The following PCSK5 variants were observed in gnomAD, a reference collection of about 807,000 sequenced individuals.
PCSK5 encodes proprotein convertase subtilisin/kexin type 5.
A neutral mutation model predicts 233.2 loss-of-function variants in PCSK5; 129 were observed. The observed-to-expected ratio is 0.55, with a 90% CI of 0.48 to 0.64. The LOEUF is 0.64. Among genes scored for constraint, PCSK5 ranks in the 30% least tolerant of loss-of-function variants. PCSK5 has a pLI of 0.00. For missense variants in PCSK5, 2,076 were observed against 2,430.1 expected (o/e 0.85, Z 3.06); for synonymous variants, 825 against 879.2 (o/e 0.94, Z 1.09).
chr9:76,062,717 A>C (rs75284777), intron 5 of PCSK5, among the ~76,000 whole-genome samples: 10,853 of 152,284 alleles, frequency 0.071, 414 homozygotes, highest in Admixed American at 0.097. Context: ...ATGGTATTTC[A>C]ATATATGCAT....
intron 9 of PCSK5, 88 bp downstream of exon 9, chr9:76,107,439 A>G: frequency 3.0e-6 from 2 of 675,972 alleles, no homozygotes; most frequent in Non-Finnish European, 4.9e-6. Context: ...GACCCCTAGC[A>G]TGACAACCTA....
intron 35 of PCSK5, among the ~76,000 whole-genome samples, chr9:76,339,330 A>G (rs1829766048): frequency 6.6e-6 from 1 of 152,104 alleles, no homozygotes; most frequent in South Asian, 2.1e-4. Context: ...GGCTATTTTT[A>G]GTTCTTTTAT....
intron 2 of PCSK5, among the ~76,000 whole-genome samples, chr9:75,944,117 T>G (rs1457915647): frequency 6.6e-6 from 1 of 151,530 alleles, no homozygotes; most frequent in Non-Finnish European, 1.5e-5. Context: ...GAGCCGAGAT[T>G]ACACCACTGC....
chr9:76,110,695 CA>C (rs920013033), intron 9 of PCSK5, among the ~76,000 whole-genome samples: 3 of 148,658 alleles, frequency 2.0e-5, no homozygotes, highest in South Asian at 2.1e-4. Context: ...GACCTTATCT[CA>C]AAAAAAAAGG....
At chr9:76,103,586 G>A (rs1324461205) in intron 8 of PCSK5, among the ~76,000 whole-genome samples, 2 of 152,144 alleles carry the variant, frequency 1.3e-5, no homozygotes, top group Non-Finnish European at 2.9e-5. Flanking sequence ...AAAAGTGATG[G>A]TTCATCTTAG....
At chr9:76,295,927 A>C (rs777223154) in intron 26 of PCSK5, among the ~76,000 whole-genome samples, 5 of 152,262 alleles carry the variant, frequency 3.3e-5, no homozygotes, top group Admixed American at 2.0e-4. Flanking sequence ...TTGGGGGAGA[A>C]AGAATGAGAA....
At chr9:76,258,056 G>C (rs988732249) in intron 24 of PCSK5, among the ~76,000 whole-genome samples, 1 of 152,106 alleles carries the variant, frequency 6.6e-6, no homozygotes, top group Non-Finnish European at 1.5e-5. Context: ...ACAGCTCCCA[G>C]GTACAGGGAG....
In PCSK5 at chr9:75,891,107, C is replaced by G. The variant is rs185860620; in HGVS notation, c.-75C>G. ...GGGCTGCTCGCCGGGCGGCGCAGGC[C>G]GGAGAAGTTAGTTGTGCGCGCCCTT... On this transcript the variant is annotated 5_prime_UTR_variant, in exon 1 of 38. Transcript: ENST00000674117. 1,252 of 1,186,246 alleles carry G rather than the reference C, an allele frequency of 1.1e-3. 5 individuals are homozygous for G. Among genetic ancestry groups the G allele is most frequent in the Non-Finnish European group, 1.3e-3 (1,175 of 907,382 alleles). The allele number at this position is 1,186,246 out of a possible 1,614,324, so 73.5% of individuals were successfully genotyped here. A position where few individuals can be genotyped will look rare whatever the true frequency, so the allele number is the denominator to read the frequency against.
intron 20 of PCSK5, among the ~76,000 whole-genome samples, chr9:76,215,478 T>C (rs1169773235): frequency 6.6e-6 from 1 of 152,142 alleles, no homozygotes; most frequent in Non-Finnish European, 1.5e-5. Context: ...GGACCCCCGA[T>C]ATGGGGCCCA....
At chr9:75,899,399 T>A (rs1264865923) in intron 1 of PCSK5, among the ~76,000 whole-genome samples, 3 of 152,178 alleles carry the variant, frequency 2.0e-5, no homozygotes, top group African/African-American at 7.2e-5. Context: ...TGAAATCTAG[T>A]CTCTTAGCAA....
intron 1 of PCSK5, among the ~76,000 whole-genome samples, chr9:75,893,959 G>A (rs1825711011): frequency 1.3e-5 from 2 of 152,172 alleles, no homozygotes; most frequent in South Asian, 2.1e-4. Flanking sequence ...CAGGCCAAAT[G>A]TATTTCTTAT....
chr9:76,107,623 C>T (rs887908270), intron 9 of PCSK5, among the ~76,000 whole-genome samples: 2 of 152,220 alleles, frequency 1.3e-5, no homozygotes, highest in African/African-American at 4.8e-5. Context: ...GGCTCCAACT[C>T]TCTTGCCTTG....
At chr9:76,180,087 G>GTGTA (rs543361179) in intron 15 of PCSK5, among the ~76,000 whole-genome samples, 17,502 of 132,316 alleles carry the variant, frequency 0.13, 1,305 homozygotes, top group Middle Eastern at 0.21. Context: ...GTGTGTGTGT[G>GTGTA]TATATATATA....
intron 2 of PCSK5, among the ~76,000 whole-genome samples, chr9:75,976,762 TTAA>T (rs1157793251): frequency 6.6e-6 from 1 of 151,590 alleles, no homozygotes; most frequent in East Asian, 1.9e-4. Context: ...TTATTAAATA[TTAA>T]TATTTAATAT....
chr9:76,039,671 A>G (rs577916969), intron 5 of PCSK5, among the ~76,000 whole-genome samples: 7 of 152,196 alleles, frequency 4.6e-5, no homozygotes, highest in Non-Finnish European at 1.0e-4. Context: ...AGTTATTGTT[A>G]TGTTGTTACA....
intron 2 of PCSK5, among the ~76,000 whole-genome samples, chr9:75,974,156 G>T (rs1825917749): frequency 6.6e-6 from 1 of 152,154 alleles, no homozygotes; most frequent in South Asian, 2.1e-4. Flanking sequence ...GGGTGAGGGA[G>T]GCCCAGTGAA....
rs1409552470 is a variant in PCSK5, at chr9:76,359,044, A to G, written c.*122A>G. ...GTTTTTCTATTTGTCTTCTTTAACC[A>G]TGAGTCCAACCAGAATATGTAAGAA... On this transcript the variant is annotated 3_prime_UTR_variant, in exon 38 of 38. Transcript: ENST00000674117. 2 of 734,802 alleles carry G rather than the reference A, an allele frequency of 2.7e-6. No homozygotes were observed. Among genetic ancestry groups the G allele is most frequent in the African/African-American group, 1.8e-5 (1 of 56,592 alleles). The allele number at this position is 734,802 out of a possible 1,614,324, so 45.5% of individuals were successfully genotyped here.
intron 35 of PCSK5, among the ~76,000 whole-genome samples, chr9:76,342,790 C>T (rs1355421012): frequency 3.9e-5 from 6 of 152,116 alleles, no homozygotes; most frequent in Non-Finnish European, 8.8e-5. Flanking sequence ...TTGTTCTGTG[C>T]TCCCTATTGG....
chr9:75,915,957 A>G (rs913075397), intron 1 of PCSK5, among the ~76,000 whole-genome samples: 20 of 152,218 alleles, frequency 1.3e-4, no homozygotes, highest in African/African-American at 4.3e-4. Flanking sequence ...TGTGGATACA[A>G]ACATTTACTT....
Sources: gnomAD v4.1 joint callset for allele counts (sites outside exome capture counted in the v4.1 genomes callset) on GRCh38, gnomAD v4.1.1 for gene constraint, MANE v1.5 for transcripts, NCBI Gene and HGNC (gene_info 2026-07-23, HGNC 2026-07-21) for gene names.